MCC: variants seen among roughly 807,000 people sequenced by gnomAD.
MCC encodes the protein MCC regulator of Wnt signaling pathway.
Under a neutral mutation model 116.2 loss-of-function variants are expected in MCC, and 90 were observed. The observed-to-expected ratio is 0.77, with a 90% CI of 0.65 to 0.92. MCC has a LOEUF of 0.92. MCC is among the 40% of genes least tolerant of loss of function. The probability of loss-of-function intolerance (pLI) is 0.00; values close to 1 mark genes in which losing one functional copy is unlikely to be tolerated. For missense variants in MCC, 1,516 were observed against 1,312.2 expected, an observed-to-expected ratio of 1.16 and a Z score of -2.40; for synonymous variants, 578 against 510.5, an observed-to-expected ratio of 1.13 and a Z score of -1.78.
In MCC at chr5:113,434,358, C is replaced by T; in HGVS notation, c.171-49146G>A. ...CATTCGACCACTGTCATCCCGCAGG[C>T]AGCGCTTGGAGAAGCTGAAGTCGGA... On this transcript the variant is annotated intron_variant, in intron 1 of 18. Coordinates refer to ENST00000408903, the MANE Select transcript of MCC (RefSeq NM_001085377.2). The surrounding 1 kb of genome is among the most constrained non-coding windows in gnomAD (Gnocchi z 4.2). 1 of 1,613,766 alleles carries T rather than the reference C, an allele frequency of 6.2e-7. No homozygotes were observed. Among genetic ancestry groups the T allele is most frequent in the East Asian group, 2.2e-5 (1 of 44,848 alleles).
Position 113,434,598 on chromosome 5 carries a change from G to A in MCC, c.171-49386C>T, listed in dbSNP as rs774179911. The A allele has an allele frequency of 4.3e-6, 7 of 1,613,804 alleles. No homozygotes were observed. The highest frequency in any genetic ancestry group is 5.9e-6 in the Non-Finnish European group (7 of 1,179,888). Reference sequence around the variant, plus strand: ...GACGATGTAGACCTTGCCATGTGATGTCTCAAAGATCTCGTAGGTCTTAAT... The same window carrying A: ...GACGATGTAGACCTTGCCATGTGATATCTCAAAGATCTCGTAGGTCTTAAT... On this transcript the variant is annotated intron_variant, in intron 1 of 18. Coordinates refer to ENST00000408903, the MANE Select transcript of MCC (RefSeq NM_001085377.2). The surrounding 1 kb of genome is among the most constrained non-coding windows in gnomAD (Gnocchi z 4.2).
At chr5:113,060,677 GA>G in intron 14 of MCC, among the ~76,000 whole-genome samples, 1 of 152,000 alleles carries the variant, frequency 6.6e-6, no homozygotes, top group South Asian at 2.1e-4. Context: ...GATCTCACTA[GA>G]AAAAAAACCA....
At chr5:113,117,802 C>T (rs557557444) in intron 6 of MCC, among the ~76,000 whole-genome samples, 11 of 152,336 alleles carry the variant, frequency 7.2e-5, no homozygotes, top group Admixed American at 2.6e-4. Flanking sequence ...TACCCAGAAT[C>T]ATTGGGTCCA....
At chr5:113,432,110 T>C (rs566232021) in intron 1 of MCC, among the ~76,000 whole-genome samples, 6 of 151,880 alleles carry the variant, frequency 4.0e-5, no homozygotes, top group African/African-American at 1.4e-4. Context: ...CACTCCAGCC[T>C]GGAGATAGAG....
chr5:113,089,257 G>C (rs958815684), intron 8 of MCC, among the ~76,000 whole-genome samples: 2 of 152,194 alleles, frequency 1.3e-5, no homozygotes, highest in African/African-American at 4.8e-5. Flanking sequence ...TGCCTTCCTA[G>C]AGCAGGCAAC....
chr5:113,196,757 G>A (rs964067412), intron 3 of MCC, among the ~76,000 whole-genome samples: 1 of 152,190 alleles, frequency 6.6e-6, no homozygotes, highest in East Asian at 1.9e-4. Flanking sequence ...GCTGAGGCAG[G>A]AGAATCGCTT....
At chr5:113,428,877 A>T (rs1474887934) in intron 1 of MCC, 1 of 152,226 alleles carries the variant, frequency 6.6e-6, no homozygotes, top group Non-Finnish European at 1.5e-5. Context: ...CCATCTTAAT[A>T]GAACTGTCTT....
chr5:113,324,045 A>G (rs780424028), intron 3 of MCC, among the ~76,000 whole-genome samples: 16 of 152,228 alleles, frequency 1.1e-4, no homozygotes, highest in Non-Finnish European at 2.9e-5. Flanking sequence ...AATTGTTACT[A>G]GTATTACTCT....
chr5:113,085,382 G>A, intron 8 of MCC, 72 bp from the exon 9 acceptor site: 1 of 1,457,608 alleles, frequency 6.9e-7, no homozygotes, highest in Non-Finnish European at 9.3e-7. Flanking sequence ...AGATGGGTAG[G>A]TGGTGGGGCT....
At chr5:113,364,264 G>GAAA (rs35759225) in intron 2 of MCC, among the ~76,000 whole-genome samples, 5,833 of 101,870 alleles carry the variant, frequency 0.057, 244 homozygotes, top group African/African-American at 0.092. Flanking sequence ...AAAAAAACCA[G>GAAA]AAAAAAAAAA....
In MCC at chr5:113,022,373, A is replaced by AACTT. The variant is rs1750202558; in HGVS notation, c.*4925_*4928dup. 6.6e-6 allele frequency: 1 copy of AACTT among 152,654 alleles called. No homozygotes were observed. Among genetic ancestry groups the AACTT allele is most frequent in the Admixed American group, 6.5e-5 (1 of 15,290 alleles). 9.5% of individuals were successfully genotyped at this position (152,654 alleles called of 1,614,324 possible). A position where few individuals can be genotyped will look rare whatever the true frequency, so the allele number is the denominator to read the frequency against. ...CAGTAGAACAATACTGACAAATGCA[A>AACTT]ACTTAGTCACATGTGCTTTAATAAC... On this transcript the variant is annotated 3_prime_UTR_variant, in exon 19 of 19. Coordinates refer to ENST00000408903, the MANE Select transcript of MCC (RefSeq NM_001085377.2).
chr5:113,111,530 C>G lies in MCC; in HGVS notation c.1028-7175G>C, dbSNP rs183633821. Among the ~76,000 whole-genome samples the G allele has an allele frequency of 8.7e-4, 132 of 152,322 alleles. 1 individual carries two copies. Among genetic ancestry groups the G allele is most frequent in the African/African-American group, 3.0e-3 (126 of 41,574 alleles). ...CTGGAATAAGGGGTTAAATAATTATCTCCCTTATTTTTATTAATCTGCCTT... is the reference window on the plus strand; with the variant it reads ...CTGGAATAAGGGGTTAAATAATTATGTCCCTTATTTTTATTAATCTGCCTT... On this transcript the variant is annotated intron_variant, in intron 6 of 18. Coordinates refer to ENST00000408903, the MANE Select transcript of MCC (RefSeq NM_001085377.2).
chr5:113,431,764 G>GGC (rs565498334), intron 1 of MCC, among the ~76,000 whole-genome samples: 6 of 19,274 alleles, frequency 3.1e-4, no homozygotes, highest in Non-Finnish European at 6.3e-4. Flanking sequence ...GGGAGGCCAA[G>GGC]GGGGGGGGGG....
intron 3 of MCC, among the ~76,000 whole-genome samples, chr5:113,185,359 A>G (rs79688077): frequency 0.061 from 9,241 of 152,142 alleles, 677 homozygotes; most frequent in African/African-American, 0.17. Flanking sequence ...ACACACACAC[A>G]CCATACAAAT....
At chr5:113,216,887 T>C (rs577062060) in intron 3 of MCC, among the ~76,000 whole-genome samples, 1 of 152,338 alleles carries the variant, frequency 6.6e-6, no homozygotes, top group East Asian at 1.9e-4. Context: ...GACAATGAAA[T>C]AATTCCTCTA....
intron 1 of MCC, among the ~76,000 whole-genome samples, chr5:113,448,632 GT>G (rs997074572): frequency 2.5e-4 from 38 of 152,200 alleles, no homozygotes; most frequent in African/African-American, 9.2e-4. Flanking sequence ...ACACACTCCA[GT>G]TTTTTTAAAC....
rs762830191 is a variant in MCC at position 113,082,847 on chromosome 5, G to A, written c.1784+13C>T. 3.7e-6 allele frequency: 6 copies of A among 1,612,532 alleles called. No homozygotes were observed. Among genetic ancestry groups the A allele is most frequent in the South Asian group, 2.2e-5 (2 of 90,634 alleles). Reference sequence around the variant, plus strand: ...CCCTGCCCCACAATCAAATCGATACGATCTCTCCTCACCTATTCAGCCGTT... The same window carrying A: ...CCCTGCCCCACAATCAAATCGATACAATCTCTCCTCACCTATTCAGCCGTT... On this transcript the variant is annotated intron_variant, in intron 11 of 18. Coordinates refer to ENST00000408903, the MANE Select transcript of MCC (RefSeq NM_001085377.2).
At position 113,434,043 on chromosome 5, in the gene MCC, A is replaced by T; in HGVS notation, c.171-48831T>A. 1.9e-6 allele frequency: 3 copies of T among 1,614,020 alleles called. No individual in the cohort carries two copies. The highest frequency in any genetic ancestry group is 2.5e-6 in the Non-Finnish European group (3 of 1,179,908). ...GGGCTGCATCCAGCAGTGGCTGAGG[A>T]TCTCGTCGATGTGGAGCCGCCGGTT... is the stretch of plus-strand genomic sequence containing the variant. On this transcript the variant is annotated intron_variant, in intron 1 of 18. Coordinates refer to ENST00000408903, the MANE Select transcript of MCC (RefSeq NM_001085377.2). The surrounding 1 kb of genome is among the most constrained non-coding windows in gnomAD (Gnocchi z 4.2).
intron 3 of MCC, among the ~76,000 whole-genome samples, chr5:113,184,414 C>T (rs568229134): frequency 6.6e-6 from 1 of 150,828 alleles, no homozygotes; most frequent in Non-Finnish European, 1.5e-5. Flanking sequence ...TAAAACTTTA[C>T]TTTGCTGATC....
Sources: allele counts gnomAD v4.1 joint callset (sites outside exome capture counted in the v4.1 genomes callset), GRCh38; gene constraint gnomAD v4.1.1; non-coding constraint Gnocchi (gnomAD v3.1); transcripts MANE v1.5; gene names NCBI Gene and HGNC (gene_info 2026-07-23, HGNC 2026-07-21).